TIAM1: variants seen among roughly 807,000 people sequenced by gnomAD.
The protein encoded by TIAM1 is rho guanine nucleotide exchange factor TIAM1.
In TIAM1, 65 loss-of-function variants were observed where a neutral mutation model predicts 163.5. The ratio of observed to expected loss-of-function variants is 0.40; its 90% CI spans 0.33 to 0.49. The LOEUF (loss-of-function observed/expected upper bound fraction) is 0.49. Among genes scored for constraint, TIAM1 ranks in the 20% least tolerant of loss-of-function variants. TIAM1 has a pLI of 0.77. For synonymous variants in TIAM1, 833 were observed against 810.1 expected (o/e 1.03, Z -0.48); for missense variants, 1,789 against 2,044.7 (o/e 0.87, Z 2.41).
rs551576320 is a variant in TIAM1, at chr21:31,549,831, T to C, written c.-422+9096A>G. Among the ~76,000 whole-genome samples the C allele has an allele frequency of 2.6e-5, 4 of 152,282 alleles. No homozygotes were observed. In the East Asian group the frequency reaches 7.7e-4, roughly 29 times the overall value. On this transcript the variant is annotated intron_variant, in intron 1 of 28. Coordinates refer to the TIAM1 transcript ENST00000286827. ...TCTTAGGTTTACATCCAAAAGAATA[T>C]TTTTTTAAAAGGCCGGGCGTGGTGG... is the stretch of plus-strand genomic sequence containing the variant.
intron 3 of TIAM1, among the ~76,000 whole-genome samples, chr21:31,270,114 G>A (rs2072991913): frequency 6.6e-6 from 1 of 152,044 alleles, no homozygotes; most frequent in South Asian, 2.1e-4. Context: ...TTTTATATTT[G>A]TGTGGGTTTT....
At chr21:31,364,697 A>C (rs1173332829) in intron 2 of TIAM1, among the ~76,000 whole-genome samples, 3 of 152,064 alleles carry the variant, frequency 2.0e-5, no homozygotes, top group East Asian at 3.9e-4. Context: ...GGATGGATGG[A>C]TGGCTGCATG....
At chr21:31,390,515 C>G (rs2076949814) in intron 2 of TIAM1, among the ~76,000 whole-genome samples, 1 of 152,274 alleles carries the variant, frequency 6.6e-6, no homozygotes, top group Non-Finnish European at 1.5e-5. Flanking sequence ...ATTAAGAATG[C>G]AGGAGCACCT....
Position 31,141,392 on chromosome 21 carries a change from G to A in TIAM1, c.3588C>T (p.Tyr1196=), listed in dbSNP as rs915934159. The change falls in exon 21 of 28, where the codon TAC becomes TAT. Residue 1196 remains tyrosine, a synonymous_variant. Coordinates refer to ENST00000541036, the MANE Select transcript of TIAM1 (RefSeq NM_001353694.2). This position sits in a 1 kb window ranked among gnomAD's most constrained non-coding sequence, Gnocchi z 4.7. ...CGAACAGCTCCCTGAGCAGAAGTGGGTACTTGAGGATCCTCTGGATGGGCT... is the reference window on the plus strand; with the variant it reads ...CGAACAGCTCCCTGAGCAGAAGTGGATACTTGAGGATCCTCTGGATGGGCT... ...LIKPIQRILK[Y]PLLLRELFAL... 1.2e-6 allele frequency: 2 copies of A among 1,614,240 alleles called. No homozygotes were observed. Among genetic ancestry groups the A allele is most frequent in the Admixed American group, 1.7e-5 (1 of 60,026 alleles).
intron 8 of TIAM1, among the ~76,000 whole-genome samples, chr21:31,222,693 ATATATATATATATATTTTTTTTTT>A (rs1184066930): frequency 1.3e-4 from 5 of 39,912 alleles, no homozygotes; most frequent in African/African-American, 4.1e-4. Flanking sequence ...ATATATATAT[ATATATATATATATATTTTTTTTTT>A]TTTTTTTTTT....
chr21:31,367,527 T>C (rs1268032412), intron 2 of TIAM1, among the ~76,000 whole-genome samples: 1 of 152,178 alleles, frequency 6.6e-6, no homozygotes, highest in Admixed American at 6.5e-5. Flanking sequence ...AATACCTTGG[T>C]ATTCAACCCA....
At chr21:31,476,656 C>G (rs535464698) in intron 1 of TIAM1, among the ~76,000 whole-genome samples, 42 of 152,278 alleles carry the variant, frequency 2.8e-4, no homozygotes, top group Middle Eastern at 6.8e-3. Context: ...GATGCTTTTG[C>G]AAAATCGATC....
chr21:31,406,658 C>CA (rs11380793), intron 2 of TIAM1, among the ~76,000 whole-genome samples: 4,434 of 152,258 alleles, frequency 0.029, 107 homozygotes, highest in Admixed American at 0.074. Flanking sequence ...AATATTCAGA[C>CA]AGAGAAAAGT....
At position 31,253,668 on chromosome 21, in the gene TIAM1, T is replaced by C. The variant is rs550237828; in HGVS notation, c.964-1479A>G. On this transcript the variant is annotated intron_variant, in intron 4 of 27. Transcript: ENST00000541036. ...TTCTAGGGATCAACTCCATTATAAA[T>C]GGAGCTTAGACCCCTGGGAGTTAGA... Among the ~76,000 whole-genome samples, 75 of 152,264 alleles carry C rather than the reference T, an allele frequency of 4.9e-4. 1 individual carries two copies. In the South Asian group the frequency reaches 0.012, roughly 25 times the overall value.
intron 16 of TIAM1, among the ~76,000 whole-genome samples, chr21:31,164,634 T>C (rs1311357658): frequency 1.3e-5 from 2 of 152,198 alleles, no homozygotes; most frequent in African/African-American, 2.4e-5. Context: ...CCACATACTT[T>C]TGATGCTGTT....
chr21:31,483,858 G>A (rs1892857), intron 1 of TIAM1, among the ~76,000 whole-genome samples: 14,187 of 152,014 alleles, frequency 0.093, 904 homozygotes, highest in East Asian at 0.14. Context: ...AAAAGGGACT[G>A]AACCAAGTCA....
At chr21:31,505,668 TG>T (rs2046999214) in intron 1 of TIAM1, among the ~76,000 whole-genome samples, 1 of 152,180 alleles carries the variant, frequency 6.6e-6, no homozygotes, top group Non-Finnish European at 1.5e-5. Context: ...TTTTCTTAGA[TG>T]GAAAGATCAT....
intron 4 of TIAM1, among the ~76,000 whole-genome samples, chr21:31,256,894 C>T (rs200826196): frequency 2.0e-5 from 3 of 152,104 alleles, no homozygotes; most frequent in Non-Finnish European, 2.9e-5. Flanking sequence ...ACTATAATTA[C>T]GGTCATCTCT....
At chr21:31,317,314 C>T (rs1031841805) in intron 2 of TIAM1, among the ~76,000 whole-genome samples, 2 of 151,890 alleles carry the variant, frequency 1.3e-5, no homozygotes, top group Non-Finnish European at 2.9e-5. Context: ...ATTAGCCGGG[C>T]GTGGTGGCAC....
chr21:31,312,022 T>G (rs1714975004), intron 2 of TIAM1, among the ~76,000 whole-genome samples: 1 of 152,210 alleles, frequency 6.6e-6, no homozygotes, highest in Admixed American at 6.5e-5. Context: ...TTCCTCAGCT[T>G]TTGGACTCTT....
intron 1 of TIAM1, among the ~76,000 whole-genome samples, chr21:31,519,575 A>G (rs151244071): frequency 2.1e-3 from 316 of 152,222 alleles, no homozygotes; most frequent in African/African-American, 7.3e-3. Context: ...ACTTCAGAGT[A>G]AACACCCAAA....
chr21:31,283,274 T>A (rs1428575050), intron 2 of TIAM1, among the ~76,000 whole-genome samples: 1 of 152,186 alleles, frequency 6.6e-6, no homozygotes, highest in Non-Finnish European at 1.5e-5. Flanking sequence ...ACTGCAACAC[T>A]GACACCACAT....
chr21:31,300,023 T>G (rs1175326028), intron 2 of TIAM1, among the ~76,000 whole-genome samples: 1 of 152,150 alleles, frequency 6.6e-6, no homozygotes, highest in African/African-American at 2.4e-5. Flanking sequence ...GAAATGTCAT[T>G]CCCAGTGTTG....
intron 1 of TIAM1, among the ~76,000 whole-genome samples, chr21:31,483,783 C>T (rs1221835564): frequency 6.6e-6 from 1 of 151,906 alleles, no homozygotes; most frequent in Admixed American, 6.6e-5. Flanking sequence ...GTCCCTTGTC[C>T]CCATCTGGTG....
Sources: gnomAD v4.1 joint callset for allele counts (sites outside exome capture counted in the v4.1 genomes callset) on GRCh38, gnomAD v4.1.1 for gene constraint, Gnocchi (gnomAD v3.1) non-coding constraint, MANE v1.5 for transcripts, NCBI Gene and HGNC (gene_info 2026-07-23, HGNC 2026-07-21) for gene names.